FXYD6: variants seen among roughly 807,000 people sequenced by gnomAD.
The protein encoded by FXYD6 is FXYD domain containing ion transport regulator 6.
Under a neutral mutation model 16.7 loss-of-function variants are expected in FXYD6, and 7 were observed. The observed-to-expected ratio is 0.42, with a 90% CI of 0.24 to 0.79. FXYD6 has a LOEUF of 0.79. FXYD6 is among the 30% of genes least tolerant of loss of function. The pLI is 0.28. For missense variants in FXYD6, 111 were observed against 116.2 expected (o/e 0.95, Z 0.21); for synonymous variants, 49 against 43.0 (o/e 1.14, Z -0.54).
intron 7 of FXYD6, 149 bp from the exon 8 acceptor site, chr11:117,838,426 G>A: frequency 6.1e-6 from 4 of 656,362 alleles, no homozygotes; most frequent in African/African-American, 1.8e-5. Context: ...AAGACACAGG[G>A]GAGGGGTGAA....
At chr11:117,858,903 G>A (rs7121196) in intron 1 of FXYD6, among the ~76,000 whole-genome samples, 66,581 of 151,248 alleles carry the variant, frequency 0.44, 15,194 homozygotes, top group East Asian at 0.73. Context: ...AGCCTCCCGA[G>A]TAGCTGGGAC....
chr11:117,855,627 GA>G lies in FXYD6; in HGVS notation c.-5-12847del, dbSNP rs1245406552. On this transcript the variant is annotated intron_variant, in intron 1 of 7. Transcript: ENST00000526014. Reference sequence around the variant, plus strand: ...TGGGGAGGGTAAGAGGCTGGGTGGTGAAAAATCTCAGTTCCGGGCGAGAGAT... The same window carrying G: ...TGGGGAGGGTAAGAGGCTGGGTGGTGAAAATCTCAGTTCCGGGCGAGAGAT... Among the ~76,000 whole-genome samples, 4 of 152,300 alleles carry G rather than the reference GA, an allele frequency of 2.6e-5. No individual in the cohort carries two copies. In the South Asian group the frequency reaches 6.2e-4, roughly 24 times the overall value.
chr11:117,853,690 C>A (rs539434168), intron 1 of FXYD6, among the ~76,000 whole-genome samples: 2 of 152,126 alleles, frequency 1.3e-5, no homozygotes, highest in Non-Finnish European at 2.9e-5. Context: ...CAGGGTTTCA[C>A]CATGTTGGCC....
intron 1 of FXYD6, among the ~76,000 whole-genome samples, chr11:117,860,938 A>G (rs1565325788): frequency 6.6e-6 from 1 of 152,180 alleles, no homozygotes; most frequent in Non-Finnish European, 1.5e-5. Context: ...CAAATTCCAG[A>G]GCTAGAAAGT....
Position 117,856,684 on chromosome 11 carries a change from G to GAAGT in FXYD6, c.-5-13907_-5-13904dup, listed in dbSNP as rs1054238863. ...GACGTATCTAGATCTTTGCAACCAAGAAGTCTATTAAAAAAAGATTCGACT... is the reference window on the plus strand; with the variant it reads ...GACGTATCTAGATCTTTGCAACCAAGAAGTAAGTCTATTAAAAAAAGATTCGACT... On this transcript the variant is annotated intron_variant, in intron 1 of 7. Coordinates refer to ENST00000526014, the MANE Select transcript of FXYD6 (RefSeq NM_022003.4). 1.6e-4 allele frequency among the ~76,000 whole-genome samples: 24 copies of GAAGT among 152,270 alleles called. No homozygotes were observed. In the South Asian group the frequency reaches 4.1e-3, roughly 26 times the overall value.
At chr11:117,874,127 C>T (rs1305032556) in intron 1 of FXYD6, among the ~76,000 whole-genome samples, 1 of 152,182 alleles carries the variant, frequency 6.6e-6, no homozygotes, top group African/African-American at 2.4e-5. Context: ...CTGGATGCTC[C>T]CTCAAGGCCT....
intron 1 of FXYD6, among the ~76,000 whole-genome samples, chr11:117,852,722 T>G (rs115100797): frequency 9.5e-4 from 145 of 152,346 alleles, no homozygotes; most frequent in African/African-American, 3.5e-3. Flanking sequence ...CTCTCCTCCA[T>G]TCTCCCCACT....
chr11:117,865,954 C>T (rs1000883777), intron 1 of FXYD6, among the ~76,000 whole-genome samples: 2 of 151,920 alleles, frequency 1.3e-5, no homozygotes, highest in African/African-American at 4.8e-5. Context: ...TGTGGTGAGG[C>T]TGAGCATCTT....
At chr11:117,874,490 C>T (rs983644908) in intron 1 of FXYD6, among the ~76,000 whole-genome samples, 2 of 152,192 alleles carry the variant, frequency 1.3e-5, no homozygotes, top group African/African-American at 2.4e-5. Flanking sequence ...CCCCAGGCAA[C>T]GGCGGGTAGC....
rs1366589156 is a variant in FXYD6 at position 117,839,785 on chromosome 11, CA to C, written c.*16del. On this transcript the variant is annotated 3_prime_UTR_variant, in exon 7 of 8. Transcript: ENST00000526014. ...TCCAGGCACTGAGCATCTCACCTTCCACCTGATGGCTGCACTTCAGTTCTCT... is the reference window on the plus strand; with the variant it reads ...TCCAGGCACTGAGCATCTCACCTTCCCCTGATGGCTGCACTTCAGTTCTCT... 1 of 1,614,206 alleles carries C rather than the reference CA, an allele frequency of 6.2e-7. No individual in the cohort carries two copies. The highest frequency in any genetic ancestry group is 8.5e-7 in the Non-Finnish European group (1 of 1,180,040).
intron 1 of FXYD6, among the ~76,000 whole-genome samples, chr11:117,845,408 A>T (rs573241933): frequency 1.3e-5 from 2 of 152,230 alleles, no homozygotes; most frequent in Admixed American, 1.3e-4. Context: ...TAACACGTAC[A>T]TATATCTAAA....
intron 1 of FXYD6, among the ~76,000 whole-genome samples, chr11:117,874,878 C>G (rs2057222071): frequency 6.6e-6 from 1 of 152,268 alleles, no homozygotes; most frequent in Non-Finnish European, 1.5e-5. Flanking sequence ...ATCCAACCTT[C>G]CCTTCCAGGT....
chr11:117,844,158 C>T, intron 1 of FXYD6: 1 of 152,674 alleles, frequency 6.5e-6, no homozygotes. Flanking sequence ...CACCTCTCGG[C>T]CACCAGGGGT....
chr11:117,871,537 C>A (rs925087456), intron 1 of FXYD6, among the ~76,000 whole-genome samples: 1 of 152,032 alleles, frequency 6.6e-6, no homozygotes, highest in African/African-American at 2.4e-5. Flanking sequence ...AGGACATTCA[C>A]GGTATATGAG....
intron 1 of FXYD6, among the ~76,000 whole-genome samples, chr11:117,861,042 T>A (rs2056893225): frequency 6.6e-6 from 1 of 152,192 alleles, no homozygotes; most frequent in Non-Finnish European, 1.5e-5. Flanking sequence ...AGTGGCTCTG[T>A]GGCCTCGGGA....
rs1471040528 is a variant in FXYD6 at position 117,872,705 on chromosome 11, C to T, written c.-6+3887G>A. 1.3e-5 allele frequency among the ~76,000 whole-genome samples: 2 copies of T among 152,162 alleles called. No individual in the cohort carries two copies. Among genetic ancestry groups the T allele is most frequent in the Non-Finnish European group, 2.9e-5 (2 of 68,022 alleles). On this transcript the variant is annotated intron_variant, in intron 1 of 7. Coordinates refer to ENST00000526014, the MANE Select transcript of FXYD6 (RefSeq NM_022003.4). The surrounding 1 kb of genome is among the most constrained non-coding windows in gnomAD (Gnocchi z 4.9). ...GTGGGGGCCCAGCCCCTTTCCCAGG[C>T]TGTGTGCTCCCTCCCACATCTTTGT...
intron 6 of FXYD6, 50 bp downstream of exon 6, chr11:117,840,269 G>A: frequency 1.2e-6 from 2 of 1,606,448 alleles, no homozygotes; most frequent in Non-Finnish European, 1.7e-6. Flanking sequence ...CCACAGAGGG[G>A]TCTCTCTGTT....
chr11:117,840,748 C>G (rs2056320380), intron 5 of FXYD6, among the ~76,000 whole-genome samples: 1 of 152,076 alleles, frequency 6.6e-6, no homozygotes. Context: ...GTCTATTCAG[C>G]TCAAAGAGCC....
chr11:117,866,334 G>A (rs2057013388), intron 1 of FXYD6, among the ~76,000 whole-genome samples: 1 of 152,080 alleles, frequency 6.6e-6, no homozygotes, highest in Non-Finnish European at 1.5e-5. Context: ...AAAACTGGGG[G>A]GGAAATGGGT....
Sources: gnomAD v4.1 joint callset for allele counts (sites outside exome capture counted in the v4.1 genomes callset) on GRCh38, gnomAD v4.1.1 for gene constraint, Gnocchi (gnomAD v3.1) non-coding constraint, MANE v1.5 for transcripts, NCBI Gene and HGNC (gene_info 2026-07-23, HGNC 2026-07-21) for gene names.